Variants in OR9G4 observed in about 807,000 individuals in gnomAD.
OR9G4 encodes olfactory receptor family 9 subfamily G member 4.
A neutral mutation model predicts 16.7 loss-of-function variants in OR9G4; 19 were observed. The ratio of observed to expected loss-of-function variants is 1.14; its 90% CI spans 0.79 to 1.67. The LOEUF is 1.67. Among genes scored for constraint, OR9G4 ranks in the 40% most tolerant of loss-of-function variants. The probability of loss-of-function intolerance (pLI) is 0.00; values close to 1 mark genes in which losing one functional copy is unlikely to be tolerated. For synonymous variants in OR9G4, 182 were observed against 146.2 expected (o/e 1.24, Z -1.76); for missense variants, 428 against 370.4 (o/e 1.16, Z -1.28).
chr11:56,743,966 T>C (rs1858362416), intron 1 of OR9G4, 178 bp from the exon 2 acceptor site: 2 of 650,806 alleles, frequency 3.1e-6, no homozygotes, highest in South Asian at 4.3e-5. Context: ...TCAAAAATAA[T>C]TTGAAAATTA....
rs747409716 is a variant in OR9G4, at chr11:56,742,942, A to T, written c.825T>A (p.Ala275=). The part of the protein sequence containing the change: ...TYSLERDKVA[A]LFYTVINPLL... ...GTGGGTTGATCACGGTGTAGAACAG[A>T]GCAGCTACTTTGTCCCTCTCTAGGG... is the stretch of plus-strand genomic sequence containing the variant. Residue 275 remains alanine, a synonymous_variant, in exon 2 of 2, where the codon GCT becomes GCA. Coordinates refer to ENST00000641668, the MANE Select transcript of OR9G4 (RefSeq NM_001005284.2). 1 of 1,614,142 alleles carries T rather than the reference A, an allele frequency of 6.2e-7. No homozygotes were observed. The highest frequency in any genetic ancestry group is 8.5e-7 in the Non-Finnish European group (1 of 1,180,016).
chr11:56,741,835 C>T lies in OR9G4; in HGVS notation c.*993G>A, dbSNP rs1350576165. 2 of 152,200 alleles carry T rather than the reference C, an allele frequency of 1.3e-5. No homozygotes were observed. Among genetic ancestry groups the T allele is most frequent in the Non-Finnish European group, 2.9e-5 (2 of 68,030 alleles). 9.4% of individuals were successfully genotyped at this position (152,200 alleles called of 1,614,324 possible). ...TTCTAAAGGCTACTAAATGAAATAT[C>T]AACCCAACCTGCCATCACAAGGGGG... On this transcript the variant is annotated 3_prime_UTR_variant, in exon 2 of 2. Coordinates refer to ENST00000641668, the MANE Select transcript of OR9G4 (RefSeq NM_001005284.2).
Position 56,741,259 on chromosome 11 carries a change from G to T in OR9G4, c.*1569C>A. 2.9e-6 allele frequency: 1 copy of T among 346,518 alleles called. No homozygotes were observed. 21.5% of individuals were successfully genotyped at this position (346,518 alleles called of 1,614,324 possible). ...TTTCGTTTGTTTGTTATGATTTTGA[G>T]ATCAGACTATAATATATACTACAGT... On this transcript the variant is annotated 3_prime_UTR_variant, in exon 2 of 2. Coordinates refer to ENST00000641668, the MANE Select transcript of OR9G4 (RefSeq NM_001005284.2).
Position 56,743,721 on chromosome 11 carries a change from C to A in OR9G4, c.46G>T (p.Gly16Cys), listed in dbSNP as rs367701319. The change falls in exon 2 of 2, where the codon GGT (glycine) becomes TGT (cysteine). Residue 16 changes from glycine to cysteine, a missense_variant. Transcript: ENST00000641668. ...TGCCACTGGGAATCTGCTGAGAAAC[C>A]CAACAAGATGAATTCAGTCAGGATG... ...CTILTEFILLGFSADSQWQPI... is the reference protein window; with the variant it reads ...CTILTEFILLCFSADSQWQPI... The A allele has an allele frequency of 5.0e-5, 81 of 1,614,130 alleles. No homozygotes were observed. The highest frequency in any genetic ancestry group is 6.4e-5 in the Non-Finnish European group (76 of 1,179,990).
At chr11:56,746,975 TAAAC>T (rs1338716732) in intron 1 of OR9G4, among the ~76,000 whole-genome samples, 1 of 152,104 alleles carries the variant, frequency 6.6e-6, no homozygotes, top group African/African-American at 2.4e-5. Flanking sequence ...TGTAGGCCAT[TAAAC>T]AAATAAATAA....
intron 1 of OR9G4, 124 bp from the exon 2 acceptor site, chr11:56,743,912 ATAGGACTTCAGTCCATGAT>A: frequency 9.2e-7 from 1 of 1,089,874 alleles, no homozygotes. Flanking sequence ...ATCTAGAATT[ATAGGACTTCAGTCCATGAT>A]TTGGAAAAAT....
At chr11:56,745,507 C>T (rs550086939) in intron 1 of OR9G4, among the ~76,000 whole-genome samples, 40 of 152,194 alleles carry the variant, frequency 2.6e-4, no homozygotes, top group South Asian at 1.5e-3. Flanking sequence ...GTGCCAGGTG[C>T]GGTGGCTCAC....
At chr11:56,746,447 T>A (rs1009087815) in intron 1 of OR9G4, among the ~76,000 whole-genome samples, 1 of 152,178 alleles carries the variant, frequency 6.6e-6, no homozygotes, top group African/African-American at 2.4e-5. Context: ...TCAGCAATGA[T>A]AATTCTCAAA....
At chr11:56,744,810 C>A (rs1429319453) in intron 1 of OR9G4, among the ~76,000 whole-genome samples, 1 of 152,206 alleles carries the variant, frequency 6.6e-6, no homozygotes. Context: ...CAGCTGACTG[C>A]AAGTTGTCCC....
Position 56,743,444 on chromosome 11 carries a change from G to A in OR9G4, c.323C>T (p.Ala108Val). 2.5e-6 allele frequency: 4 copies of A among 1,614,074 alleles called. No homozygotes were observed. Among genetic ancestry groups the A allele is most frequent in the Non-Finnish European group, 3.4e-6 (4 of 1,180,026 alleles). The change falls in exon 2 of 2, where the codon GCC becomes GTC. Residue 108 changes from alanine to valine, a missense_variant. Coordinates refer to ENST00000641668, the MANE Select transcript of OR9G4 (RefSeq NM_001005284.2). ...TGCCAGGAGATAGCATTCAGTGTAGGCTACAACACAGGAAAAAAACAGCTG... is the reference window on the plus strand; with the variant it reads ...TGCCAGGAGATAGCATTCAGTGTAGACTACAACACAGGAAAAAAACAGCTG... Reference protein sequence around the residue: ...GAQLFFSCVVAYTECYLLAAM... With the variant: ...GAQLFFSCVVVYTECYLLAAM...
Position 56,747,473 on chromosome 11 carries a change from T to C in OR9G4, c.-23+1183A>G, listed in dbSNP as rs181703759. Among the ~76,000 whole-genome samples, 860 of 152,262 alleles carry C rather than the reference T, an allele frequency of 5.6e-3. 4 individuals carry two copies. The highest frequency in any genetic ancestry group is 0.01 in the Non-Finnish European group (684 of 68,010). On this transcript the variant is annotated intron_variant, in intron 1 of 1. Transcript: ENST00000641668. ...TCATCTATTGTCATCCTCTAACTCC[T>C]GTTTATTAAATCTATTGCCTGCTTC... is the stretch of plus-strand genomic sequence containing the variant.
At chr11:56,744,075 C>T (rs1858364978) in intron 1 of OR9G4, 1 of 349,622 alleles carries the variant, frequency 2.9e-6, no homozygotes, top group Non-Finnish European at 5.1e-6. Flanking sequence ...ATTACTTCTT[C>T]TTTTTTTTTT....
At position 56,743,008 on chromosome 11, in the gene OR9G4, T is replaced by A. The variant is rs781467566; in HGVS notation, c.759A>T (p.Gly253=). Reference sequence around the variant, plus strand: ...GCCTTGAATACATAAACAACAATGATCCATAGAAGAGCATGACTGAGATGA... The same window carrying A: ...GCCTTGAATACATAAACAACAATGAACCATAGAAGAGCATGACTGAGATGA... ...SHLISVMLFY[G]SLLFMYSRPS... The change falls in exon 2 of 2, where the codon GGA becomes GGT. Residue 253 remains glycine (G), a synonymous_variant. Transcript: ENST00000641668. 1.9e-6 allele frequency: 3 copies of A among 1,613,946 alleles called. No homozygotes were observed. The highest frequency in any genetic ancestry group is 4.5e-5 in the East Asian group (2 of 44,860).
rs931047201 is a variant in OR9G4, at chr11:56,742,856, G to A, written c.911C>T (p.Ala304Val). Residue 304 changes from alanine to valine, a missense_variant, in exon 2 of 2, where the codon GCA becomes GTA. Coordinates refer to ENST00000641668, the MANE Select transcript of OR9G4 (RefSeq NM_001005284.2). ...NKDIKEAFRK[A>V]TQTIQPQT The stretch of plus-strand genomic sequence containing the variant: ...TGTTTGTGGTTGTATAGTCTGTGTT[G>A]CTTTCCTGAAGGCCTCTTTGATATC... 6 of 1,613,892 alleles carry A rather than the reference G, an allele frequency of 3.7e-6. No homozygotes were observed. The highest frequency in any genetic ancestry group is 1.7e-4 in the Middle Eastern group (1 of 6,050).
rs1226966454 is a variant in OR9G4 at position 56,743,550 on chromosome 11, A to G, written c.217T>C (p.Tyr73His). Residue 73 changes from tyrosine (Y) to histidine (H), a missense_variant, in exon 2 of 2, where the codon TAT becomes CAT. Tyr to His is a moderately conservative substitution (Grantham distance 83). Coordinates refer to ENST00000641668, the MANE Select transcript of OR9G4 (RefSeq NM_001005284.2). ...ATTTTGGGGGTATACACAGAGGTAT[A>G]CCAGAAATCCAAAAAAGACAGATTG... ...IGNLSFLDFW[Y>H]TSVYTPKILA... 1 of 1,614,212 alleles carries G rather than the reference A, an allele frequency of 6.2e-7. No individual in the cohort carries two copies. The highest frequency in any genetic ancestry group is 1.3e-5 in the African/African-American group (1 of 75,054).
Position 56,743,784 on chromosome 11 carries a change from CCTGA to C in OR9G4, c.-22_-19del. On this transcript the variant is annotated splice_region_variant and 5_prime_UTR_variant, in exon 2 of 2. Transcript: ENST00000641668. ...ACTTCCATGTCCACGGAGGTGAAAG[CCTGA>C]CTATCATGAGAAGGGAAAATCATCA... The C allele has an allele frequency of 6.2e-7, 1 of 1,613,264 alleles. No individual in the cohort carries two copies. The highest frequency in any genetic ancestry group is 8.5e-7 in the Non-Finnish European group (1 of 1,179,652).
chr11:56,743,556 A>C lies in OR9G4; in HGVS notation c.211T>G (p.Phe71Val). Reference sequence around the variant, plus strand: ...GGGGTATACACAGAGGTATACCAGAAATCCAAAAAAGACAGATTGCCAATG... The same window carrying C: ...GGGGTATACACAGAGGTATACCAGACATCCAAAAAAGACAGATTGCCAATG... The part of the protein sequence containing the change: ...FFIGNLSFLD[F>V]WYTSVYTPKI... The change falls in exon 2 of 2, where the codon TTC becomes GTC. Residue 71 changes from phenylalanine to valine, a missense_variant. Transcript: ENST00000641668. 1 of 1,614,206 alleles carries C rather than the reference A, an allele frequency of 6.2e-7. No individual in the cohort carries two copies. Among genetic ancestry groups the C allele is most frequent in the Non-Finnish European group, 8.5e-7 (1 of 1,180,028 alleles).
At position 56,742,549 on chromosome 11, in the gene OR9G4, C is replaced by A. The variant is rs1302100744; in HGVS notation, c.*279G>T. ...AATTTATTTTGTTCCCCAAGATCTCCCAAAGGGAGCAAACACAATGAAATC... is the reference window on the plus strand; with the variant it reads ...AATTTATTTTGTTCCCCAAGATCTCACAAAGGGAGCAAACACAATGAAATC... On this transcript the variant is annotated 3_prime_UTR_variant, in exon 2 of 2. Transcript: ENST00000641668. The A allele has an allele frequency of 7.1e-5, 25 of 350,404 alleles. No individual in the cohort carries two copies. Among genetic ancestry groups the A allele is most frequent in the Admixed American group, 2.2e-4 (5 of 22,668 alleles). 21.7% of individuals were successfully genotyped at this position (350,404 alleles called of 1,614,324 possible).
intron 1 of OR9G4, among the ~76,000 whole-genome samples, chr11:56,744,822 C>T (rs1325697696): frequency 6.6e-6 from 1 of 152,202 alleles, no homozygotes; most frequent in African/African-American, 2.4e-5. Flanking sequence ...AGTTGTCCCC[C>T]AAACATGCAG....
Sources: allele counts gnomAD v4.1 joint callset (sites outside exome capture counted in the v4.1 genomes callset), GRCh38; gene constraint gnomAD v4.1.1; transcripts MANE v1.5; gene names NCBI Gene and HGNC (gene_info 2026-07-23, HGNC 2026-07-21).